CADPS2: variants seen among roughly 807,000 people sequenced by gnomAD.
CADPS2 encodes the protein calcium dependent secretion activator 2.
A neutral mutation model predicts 172.5 loss-of-function variants in CADPS2; 93 were observed. The ratio of observed to expected loss-of-function variants is 0.54; its 90% CI spans 0.46 to 0.64. The LOEUF (loss-of-function observed/expected upper bound fraction) is 0.64, where lower values mean the gene tolerates loss of function less well. CADPS2 is among the 30% of genes least tolerant of loss of function. CADPS2 has a pLI of 0.00. For missense variants in CADPS2, 1,420 were observed against 1,565.9 expected, an observed-to-expected ratio of 0.91 and a Z score of 1.57; for synonymous variants, 546 against 555.2, an observed-to-expected ratio of 0.98 and a Z score of 0.23.
chr7:122,388,640 T>G lies in CADPS2; in HGVS notation c.3107A>C (p.His1036Pro). The change falls in exon 23 of 30, where the codon CAC becomes CCC. Residue 1036 changes from histidine to proline, a missense_variant. By Grantham distance (77) the His-to-Pro change is moderately conservative. Coordinates refer to ENST00000449022, the MANE Select transcript of CADPS2 (RefSeq NM_017954.11). ...LHWPEQEFAH[H>P]LEQRLKLMAS... The stretch of plus-strand genomic sequence containing the variant: ...CATTAGTTTAAGTCTTTGCTCTAAG[T>G]GGTGGGCAAATTCCTGTTCTGGCCA... 6.2e-7 allele frequency: 1 copy of G among 1,610,586 alleles called. No homozygotes were observed. The highest frequency in any genetic ancestry group is 8.5e-7 in the Non-Finnish European group (1 of 1,177,962).
At chr7:122,863,800 C>T (rs1407260570) in intron 1 of CADPS2, among the ~76,000 whole-genome samples, 2 of 152,144 alleles carry the variant, frequency 1.3e-5, no homozygotes, top group East Asian at 3.9e-4. Context: ...AAGGCTGAGG[C>T]ATGCAGATCA....
intron 7 of CADPS2, among the ~76,000 whole-genome samples, chr7:122,565,012 G>A (rs1280393772): frequency 1.3e-5 from 2 of 151,962 alleles, no homozygotes; most frequent in Admixed American, 6.6e-5. Context: ...AAATGGGAGT[G>A]AAACAATGGG....
At chr7:122,476,320 G>A (rs1032550541) in intron 12 of CADPS2, among the ~76,000 whole-genome samples, 1 of 151,848 alleles carries the variant, frequency 6.6e-6, no homozygotes, top group South Asian at 2.1e-4. Context: ...GAACAGGATA[G>A]TGATAAATTT....
intron 1 of CADPS2, among the ~76,000 whole-genome samples, chr7:122,834,266 G>C (rs954790254): frequency 6.6e-6 from 1 of 152,190 alleles, no homozygotes; most frequent in Non-Finnish European, 1.5e-5. Context: ...CCTAAATACA[G>C]AGTTGAAGAA....
chr7:122,698,967 T>TGTTAG, intron 2 of CADPS2: 1 of 1,277,410 alleles, frequency 7.8e-7, no homozygotes, highest in Non-Finnish European at 1.1e-6. Context: ...GTTGCACATC[T>TGTTAG]GTTGACAATT....
chr7:122,630,073 A>T (rs915976112), intron 3 of CADPS2, among the ~76,000 whole-genome samples: 1 of 152,164 alleles, frequency 6.6e-6, no homozygotes, highest in African/African-American at 2.4e-5. Flanking sequence ...TCCCTTTATA[A>T]AAATGTTAAA....
intron 1 of CADPS2, among the ~76,000 whole-genome samples, chr7:122,824,422 C>T (rs1356038361): frequency 2.6e-5 from 4 of 152,192 alleles, no homozygotes; most frequent in Non-Finnish European, 2.9e-5. Flanking sequence ...TCTTGAAGCT[C>T]TGCCAGCAAC....
At chr7:122,779,274 C>T (rs1266120500) in intron 1 of CADPS2, among the ~76,000 whole-genome samples, 1 of 152,168 alleles carries the variant, frequency 6.6e-6, no homozygotes, top group East Asian at 1.9e-4. Flanking sequence ...TTTGTTCCCA[C>T]ACTTTAGGTG....
chr7:122,402,585 C>T (rs1172134852), intron 20 of CADPS2, among the ~76,000 whole-genome samples: 1 of 152,056 alleles, frequency 6.6e-6, no homozygotes. Context: ...CATGAACCAC[C>T]CCCCAACTCA....
At chr7:122,868,373 A>C (rs1366733338) in intron 1 of CADPS2, among the ~76,000 whole-genome samples, 2 of 152,054 alleles carry the variant, frequency 1.3e-5, no homozygotes, top group Admixed American at 6.6e-5. Flanking sequence ...GTGGGGGATA[A>C]ATTCCAGCTC....
At chr7:122,510,036 A>T (rs922946660) in intron 9 of CADPS2, among the ~76,000 whole-genome samples, 3 of 152,138 alleles carry the variant, frequency 2.0e-5, no homozygotes, top group Admixed American at 6.6e-5. Flanking sequence ...TCAAATCTCA[A>T]ATACAGAGTG....
chr7:122,860,666 T>C lies in CADPS2; in HGVS notation c.339+25333A>G, dbSNP rs138894170. ...TGAATATAGCCACTCTACTATGCAA[T>C]AGAATATCAGGATTTCTCTTATAAA... On this transcript the variant is annotated intron_variant, in intron 1 of 29. Transcript: ENST00000449022. Among the ~76,000 whole-genome samples the C allele has an allele frequency of 2.8e-3, 428 of 152,308 alleles. 2 individuals are homozygous for C. Among genetic ancestry groups the C allele is most frequent in the African/African-American group, 9.9e-3 (411 of 41,586 alleles).
intron 8 of CADPS2, among the ~76,000 whole-genome samples, chr7:122,527,617 A>AGAGAGAGAGAGAGAGAGAGAGTGT: frequency 2.1e-4 from 18 of 83,888 alleles, no homozygotes; most frequent in Middle Eastern, 7.5e-3. Flanking sequence ...AGAGAGAGAG[A>AGAGAGAGAGAGAGAGAGAGAGTGT]GTGTGTGTGT....
intron 9 of CADPS2, among the ~76,000 whole-genome samples, chr7:122,502,216 T>C (rs1323227065): frequency 6.6e-6 from 1 of 152,284 alleles, no homozygotes; most frequent in South Asian, 2.1e-4. Context: ...TTTATAGTAA[T>C]TGTTAATATC....
intron 3 of CADPS2, among the ~76,000 whole-genome samples, chr7:122,661,558 C>A (rs774293491): frequency 2.0e-5 from 3 of 151,942 alleles, no homozygotes; most frequent in Non-Finnish European, 4.4e-5. Context: ...GCTTTTCTTT[C>A]AAATCTCAGA....
intron 1 of CADPS2, among the ~76,000 whole-genome samples, chr7:122,787,067 C>T (rs1464479978): frequency 6.6e-6 from 1 of 152,118 alleles, no homozygotes; most frequent in African/African-American, 2.4e-5. Context: ...ATTTTCAACC[C>T]TTTCATTTAA....
At chr7:122,365,303 T>C (rs1229978537) in intron 25 of CADPS2, among the ~76,000 whole-genome samples, 2 of 152,182 alleles carry the variant, frequency 1.3e-5, no homozygotes, top group Non-Finnish European at 2.9e-5. Context: ...GGAATCTAAG[T>C]GCTTACATGG....
intron 1 of CADPS2, among the ~76,000 whole-genome samples, chr7:122,880,936 C>G (rs1822771069): frequency 6.6e-6 from 1 of 152,162 alleles, no homozygotes; most frequent in Admixed American, 6.5e-5. Flanking sequence ...AGGCTAAAAA[C>G]TGAAACAGCA....
At chr7:122,646,846 C>T (rs548797553) in intron 3 of CADPS2, among the ~76,000 whole-genome samples, 1 of 152,168 alleles carries the variant, frequency 6.6e-6, no homozygotes, top group Admixed American at 6.6e-5. Flanking sequence ...TACTGTCATG[C>T]TCCCTATGTG....
Sources: gnomAD v4.1 joint callset for allele counts (sites outside exome capture counted in the v4.1 genomes callset) on GRCh38, gnomAD v4.1.1 for gene constraint, MANE v1.5 for transcripts, NCBI Gene and HGNC (gene_info 2026-07-23, HGNC 2026-07-21) for gene names.